PDGFRB: variants seen among roughly 807,000 people sequenced by gnomAD.
The protein encoded by PDGFRB is platelet derived growth factor receptor beta, also known as platelet-derived growth factor receptor beta.
In PDGFRB, 42 loss-of-function variants were observed where a neutral mutation model predicts 120.2. The observed-to-expected ratio is 0.35, with a 90% CI of 0.27 to 0.45. PDGFRB has a LOEUF of 0.45. Among genes scored for constraint, PDGFRB ranks in the 20% least tolerant of loss-of-function variants. The pLI is 1.00. For synonymous variants in PDGFRB, 586 were observed against 606.8 expected (o/e 0.97, Z 0.50); for missense variants, 1,149 against 1,476.3 (o/e 0.78, Z 3.63).
intron 22 of PDGFRB, among the ~76,000 whole-genome samples, chr5:150,116,643 A>T (rs191928679): frequency 1.6e-4 from 25 of 152,004 alleles, no homozygotes; most frequent in East Asian, 3.9e-4. Flanking sequence ...AAAATAATAA[A>T]AAAAAAAAGA....
At chr5:150,118,321 T>TG (rs1302642561) in intron 21 of PDGFRB, among the ~76,000 whole-genome samples, 1 of 152,164 alleles carries the variant, frequency 6.6e-6, no homozygotes, top group African/African-American at 2.4e-5. Context: ...CCCGTGTTGT[T>TG]GGACGGGGCA....
At chr5:150,125,108 A>G (rs1760258627) in intron 12 of PDGFRB, among the ~76,000 whole-genome samples, 1 of 151,998 alleles carries the variant, frequency 6.6e-6, no homozygotes, top group African/African-American at 2.4e-5. Context: ...TAATCTCTGG[A>G]AAGTTTCTTC....
Position 150,142,417 on chromosome 5 carries a change from C to T in PDGFRB, c.-6-5364G>A, listed in dbSNP as rs560566619. Among the ~76,000 whole-genome samples, 40 of 152,336 alleles carry T rather than the reference C, an allele frequency of 2.6e-4. 1 individual carries two copies. In the South Asian group the frequency reaches 7.9e-3, roughly 30 times the overall value. On this transcript the variant is annotated intron_variant, in intron 1 of 22. Transcript: ENST00000261799. ...CATTCTCTGCACGAGCCCAGCCAGGCAGGGATTGGCGACTGAGACTCAGAG... is the reference window on the plus strand; with the variant it reads ...CATTCTCTGCACGAGCCCAGCCAGGTAGGGATTGGCGACTGAGACTCAGAG...
rs1327760803 is a variant in PDGFRB at position 150,115,986 on chromosome 5, C to G, written c.3138-40G>C. On this transcript the variant is annotated intron_variant, in intron 22 of 22. Coordinates refer to ENST00000261799, the MANE Select transcript of PDGFRB (RefSeq NM_002609.4). ...CAGTGAGTGAGGGGCTAGGAAGGAG[C>G]CCAGGAGGATTCCAGCAGCAGTCAT... 18 of 1,530,892 alleles carry G rather than the reference C, an allele frequency of 1.2e-5. 1 individual carries two copies. The South Asian group carries it at 2.2e-4, about 19-fold the overall frequency. 94.8% of individuals were successfully genotyped at this position (1,530,892 alleles called of 1,614,324 possible). A position where few individuals can be genotyped will look rare whatever the true frequency, so the allele number is the denominator to read the frequency against.
rs1015836451 is a variant in PDGFRB at position 150,141,990 on chromosome 5, G to A, written c.-6-4937C>T. On this transcript the variant is annotated intron_variant, in intron 1 of 22. Coordinates refer to ENST00000261799, the MANE Select transcript of PDGFRB (RefSeq NM_002609.4). ...GCTGCAGGGAGAGGGGGGTGCTGGG[G>A]GCAGGCAGTCTCAGGCCTGGGATGC... Among the ~76,000 whole-genome samples the A allele has an allele frequency of 3.3e-5, 5 of 152,004 alleles. No individual in the cohort carries two copies. The South Asian group carries it at 6.2e-4, about 19-fold the overall frequency.
intron 12 of PDGFRB, 115 bp downstream of exon 12, chr5:150,125,330 A>G (rs765497090): frequency 8.3e-6 from 7 of 846,740 alleles, no homozygotes; most frequent in African/African-American, 1.7e-5. Flanking sequence ...AGAGAAGGCA[A>G]GACACCAGCC....
In PDGFRB at chr5:150,133,589, C is replaced by T. The variant is rs915463868; in HGVS notation, c.931G>A (p.Val311Ile). The T allele has an allele frequency of 4.3e-5, 70 of 1,613,482 alleles. No homozygotes were observed. Among genetic ancestry groups the T allele is most frequent in the Non-Finnish European group, 5.8e-5 (69 of 1,179,564 alleles). Residue 311 changes from valine (V) to isoleucine (I), a missense_variant, in exon 6 of 23, where the codon GTT becomes ATT. Coordinates refer to ENST00000261799, the MANE Select transcript of PDGFRB (RefSeq NM_002609.4). ...QDEKAINITVVESGYVRLLGE... is the reference protein window; with the variant it reads ...QDEKAINITVIESGYVRLLGE... ...GGGCTGAGCCCAAGGCACACACCAA[C>T]CACGGTGATGTTGATGGCCTTTTCA...
Position 150,155,747 on chromosome 5 carries a change from C to T in PDGFRB, c.-357G>A, listed in dbSNP as rs1018504401. ...CTGCTGGGCAGCAGGGCTGAGGGGC[C>T]GGCTCTCTCCTCCTCCTTGTTGATC... On this transcript the variant is annotated 5_prime_UTR_variant, in exon 1 of 23. Coordinates refer to ENST00000261799, the MANE Select transcript of PDGFRB (RefSeq NM_002609.4). 2.3e-5 allele frequency: 9 copies of T among 398,496 alleles called. No individual in the cohort carries two copies. The highest frequency in any genetic ancestry group is 2.5e-4 in the South Asian group (2 of 7,858). 24.7% of individuals were successfully genotyped at this position (398,496 alleles called of 1,614,324 possible).
At chr5:150,153,122 A>G (rs2007637) in intron 1 of PDGFRB, among the ~76,000 whole-genome samples, 135,456 of 152,260 alleles carry the variant, frequency 0.89, 60,439 homozygotes, top group African/African-American at 0.96. Flanking sequence ...GATTTAAATC[A>G]AGCCAGGGCA....
At chr5:150,124,146 C>A in intron 14 of PDGFRB, 104 bp downstream of exon 14, 1 of 734,330 alleles carries the variant, frequency 1.4e-6, no homozygotes, top group South Asian at 1.9e-5. Flanking sequence ...ACGGACCCTC[C>A]AGCAGGAGTG....
chr5:150,138,885 C>T (rs999221643), intron 1 of PDGFRB, among the ~76,000 whole-genome samples: 2 of 152,262 alleles, frequency 1.3e-5, no homozygotes, highest in African/African-American at 4.8e-5. Context: ...CCTGCCCCTC[C>T]TCTCCCAGTC....
chr5:150,127,898 G>A (rs551394205), intron 10 of PDGFRB, among the ~76,000 whole-genome samples: 360 of 144,280 alleles, frequency 2.5e-3, no homozygotes, highest in African/African-American at 9.2e-3. Context: ...AAGGAAAAAG[G>A]CCAAACTCCT....
chr5:150,137,177 T>G, intron 1 of PDGFRB, 124 bp from the exon 2 acceptor site: 1 of 724,988 alleles, frequency 1.4e-6, no homozygotes, highest in South Asian at 1.8e-5. Context: ...TCCGAGGGGC[T>G]GAAGTCAAAA....
At chr5:150,127,695 G>A (rs560532863) in intron 10 of PDGFRB, among the ~76,000 whole-genome samples, 44 of 151,986 alleles carry the variant, frequency 2.9e-4, no homozygotes, top group Non-Finnish European at 4.6e-4. Flanking sequence ...ATAGCTGGGC[G>A]TGGTGGTGGA....
Position 150,155,643 on chromosome 5 carries a change from A to T in PDGFRB, c.-253T>A, listed in dbSNP as rs1261651495. On this transcript the variant is annotated 5_prime_UTR_variant, in exon 1 of 23. The change abolishes an upstream ATG in the 5' untranslated region. Coordinates refer to ENST00000261799, the MANE Select transcript of PDGFRB (RefSeq NM_002609.4). ...CCCAGCTTCGCCTCACTCCCCAAGCATCCTTCGGGAGGAGCAGAGCCGCCA... is the reference window on the plus strand; with the variant it reads ...CCCAGCTTCGCCTCACTCCCCAAGCTTCCTTCGGGAGGAGCAGAGCCGCCA... The T allele has an allele frequency of 2.5e-6, 1 of 398,640 alleles. No individual in the cohort carries two copies. The highest frequency in any genetic ancestry group is 4.4e-6 in the Non-Finnish European group (1 of 226,204). The allele number at this position is 398,640 out of a possible 1,614,324, so 24.7% of individuals were successfully genotyped here. A position where few individuals can be genotyped will look rare whatever the true frequency, so the allele number is the denominator to read the frequency against.
In PDGFRB at chr5:150,120,915, C is replaced by T. The variant is rs1580795857; in HGVS notation, c.2559G>A (p.Arg853=). Residue 853 remains arginine, a synonymous_variant, in exon 18 of 23, where the codon CGG becomes CGA. Transcript: ENST00000261799. This position sits in a 1 kb window ranked among gnomAD's most constrained non-coding sequence, Gnocchi z 4.3. ...TGCCTTTGGAGATGTAATTCGAGTC[C>T]CGCATGATGTCTCGAGCCAGGCCAA... The part of the protein sequence containing the change: ...CDFGLARDIM[R]DSNYISKGST... 1.9e-6 allele frequency: 3 copies of T among 1,613,846 alleles called. No homozygotes were observed. Among genetic ancestry groups the T allele is most frequent in the East Asian group, 2.2e-5 (1 of 44,884 alleles).
At chr5:150,122,137 A>T (rs1760158989) in intron 15 of PDGFRB, 97 bp from the exon 16 acceptor site, 1 of 873,078 alleles carries the variant, frequency 1.1e-6, no homozygotes, top group South Asian at 1.5e-5. Flanking sequence ...TCACTCACAC[A>T]CTCACTCATC....
Position 150,125,558 on chromosome 5 carries a change from C to A in PDGFRB, c.1694G>T (p.Arg565Leu). 6.2e-7 allele frequency: 1 copy of A among 1,613,986 alleles called. No individual in the cohort carries two copies. Among genetic ancestry groups the A allele is most frequent in the South Asian group, 1.1e-5 (1 of 91,060 alleles). Residue 565 changes from arginine (R) to leucine (L), a missense_variant, in exon 12 of 23, where the codon CGA (arginine) becomes CTA (leucine). Transcript: ENST00000261799. Reference protein sequence around the residue: ...LWQKKPRYEIRWKVIESVSSD... With the variant: ...LWQKKPRYEILWKVIESVSSD... ...GCTCACAGACTCAATCACCTTCCAT[C>A]GGATCTCGTAACGTGGCTTCTGGAG...
rs1050258271 is a variant in PDGFRB, at chr5:150,124,591, G to A, written c.1912+136C>T. On this transcript the variant is annotated intron_variant, in intron 13 of 22. Coordinates refer to ENST00000261799, the MANE Select transcript of PDGFRB (RefSeq NM_002609.4). ...TCCCAAACCAGACCCAGACTCGGGA[G>A]CAGTGCCTGCTGCAGTGTGATGGCC... 1.1e-5 allele frequency: 7 copies of A among 622,718 alleles called. No individual in the cohort carries two copies. The African/African-American group carries it at 1.3e-4, about 11-fold the overall frequency. The allele number at this position is 622,718 out of a possible 1,614,324, so 38.6% of individuals were successfully genotyped here. A position where few individuals can be genotyped will look rare whatever the true frequency, so the allele number is the denominator to read the frequency against.
Sources: gnomAD v4.1 joint callset for allele counts (sites outside exome capture counted in the v4.1 genomes callset) on GRCh38, gnomAD v4.1.1 for gene constraint, Gnocchi (gnomAD v3.1) non-coding constraint, MANE v1.5 for transcripts, NCBI Gene and HGNC (gene_info 2026-07-23, HGNC 2026-07-21) for gene names.